Variants in ATP2A1 observed in about 807,000 individuals in gnomAD.
The protein encoded by ATP2A1 is sarcoplasmic/endoplasmic reticulum calcium ATPase 1.
A neutral mutation model predicts 109.5 loss-of-function variants in ATP2A1; 83 were observed. That is an observed-to-expected ratio of 0.76 (90% confidence interval 0.63 to 0.91). The LOEUF is 0.91. Among genes scored for constraint, ATP2A1 ranks in the 40% least tolerant of loss-of-function variants. ATP2A1 has a pLI of 0.00. For missense variants in ATP2A1, 1,101 were observed against 1,341.0 expected (o/e 0.82, Z 2.80); for synonymous variants, 505 against 537.6 (o/e 0.94, Z 0.84).
At chr16:28,878,905 TTG>T in intron 1 of ATP2A1, 116 bp downstream of exon 1, 2 of 1,356,112 alleles carry the variant, frequency 1.5e-6, no homozygotes, top group South Asian at 2.3e-5. Context: ...AGCTGGGCCG[TTG>T]TCCAATGCTC....
In ATP2A1 at chr16:28,900,809, G is replaced by A; in HGVS notation, c.1993G>A (p.Glu665Lys). The change falls in exon 15 of 23, where the codon GAA becomes AAA. Residue 665 changes from glutamate (E) to lysine (K), a missense_variant. Transcript: ENST00000395503. ...GREFDDLPLA[E>K]QREACRRACC... ...AGAGTTCGACGACCTGCCCCTGGCTGAACAGCGGGAAGCCTGCCGACGTGC... is the reference window on the plus strand; with the variant it reads ...AGAGTTCGACGACCTGCCCCTGGCTAAACAGCGGGAAGCCTGCCGACGTGC... The A allele has an allele frequency of 6.2e-7, 1 of 1,614,234 alleles. No individual in the cohort carries two copies. The highest frequency in any genetic ancestry group is 8.5e-7 in the Non-Finnish European group (1 of 1,180,048).
In ATP2A1 at chr16:28,903,889, G is replaced by C. The variant is rs1394533806; in HGVS notation, c.*37+148G>C. ...TGCTGCTGCTGCGCTTCCAGTCAGGGTGGGCCGCTGGCCTCCCACTGGGCG... is the reference window on the plus strand; with the variant it reads ...TGCTGCTGCTGCGCTTCCAGTCAGGCTGGGCCGCTGGCCTCCCACTGGGCG... On this transcript the variant is annotated intron_variant, in intron 22 of 22. Transcript: ENST00000395503. The surrounding 1 kb of genome is among the most constrained non-coding windows in gnomAD (Gnocchi z 5.6). 1.1e-6 allele frequency: 1 copy of C among 871,844 alleles called. No homozygotes were observed. Among genetic ancestry groups the C allele is most frequent in the Non-Finnish European group, 1.9e-6 (1 of 529,964 alleles). The allele number at this position is 871,844 out of a possible 1,614,324, so 54.0% of individuals were successfully genotyped here.
intron 14 of ATP2A1, among the ~76,000 whole-genome samples, chr16:28,899,005 C>T (rs980066657): frequency 2.0e-5 from 3 of 151,990 alleles, no homozygotes; most frequent in Non-Finnish European, 2.9e-5. Context: ...CAAAAACACA[C>T]ACACACACAC....
At position 28,883,579 on chromosome 16, in the gene ATP2A1, C is replaced by T. The variant is rs573792626; in HGVS notation, c.463+990C>T. On this transcript the variant is annotated intron_variant, in intron 5 of 22. Transcript: ENST00000395503. The surrounding 1 kb of genome is among the most constrained non-coding windows in gnomAD (Gnocchi z 5.2). ...CCCAGTACCATCCGTGGGACCAGTG[C>T]GGAATTAGGCAGCGGCCCTGGGAGA... Among the ~76,000 whole-genome samples the T allele has an allele frequency of 1.3e-5, 2 of 152,270 alleles. No individual in the cohort carries two copies. The highest frequency in any genetic ancestry group is 6.5e-5 in the Admixed American group (1 of 15,302).
At chr16:28,889,243 T>A (rs982622189) in intron 9 of ATP2A1, among the ~76,000 whole-genome samples, 1 of 152,056 alleles carries the variant, frequency 6.6e-6, no homozygotes, top group African/African-American at 2.4e-5. Context: ...ATTATCTTCA[T>A]TTTTTTAATT....
chr16:28,882,489 G>C lies in ATP2A1; in HGVS notation c.363G>C (p.Glu121Asp), dbSNP rs774727588. 1.9e-6 allele frequency: 3 copies of C among 1,614,202 alleles called. No individual in the cohort carries two copies. Among genetic ancestry groups the C allele is most frequent in the South Asian group, 2.2e-5 (2 of 91,088 alleles). The part of the protein sequence containing the change: ...NAENAIEALK[E>D]YEPEMGKVYR... ...AGAACGCCATCGAGGCCCTGAAGGA[G>C]TATGAGCCAGAGATGGGGAAGGTCT... Residue 121 changes from glutamate (E) to aspartate (D), a missense_variant, in exon 5 of 23, where the codon GAG becomes GAC. Glu to Asp is a conservative substitution (Grantham distance 45). Coordinates refer to ENST00000395503, the MANE Select transcript of ATP2A1 (RefSeq NM_004320.6).
chr16:28,902,643 C>G lies in ATP2A1; in HGVS notation c.2588C>G (p.Pro863Arg), dbSNP rs1057518274. 1 of 1,613,958 alleles carries G rather than the reference C, an allele frequency of 6.2e-7. No individual in the cohort carries two copies. The highest frequency in any genetic ancestry group is 8.5e-7 in the Non-Finnish European group (1 of 1,179,982). Residue 863 changes from proline to arginine, a missense_variant, in exon 18 of 23, where the codon CCT (proline) becomes CGT (arginine). Pro to Arg is a moderately radical substitution (Grantham distance 103). Transcript: ENST00000395503. The surrounding 1 kb of genome is among the most constrained non-coding windows in gnomAD (Gnocchi z 4.8). ...TGGTTCCTGTACGCTGAGGATGGGC[C>G]TCATGTCAACTACAGCCAGCTGGTA... The part of the protein sequence containing the change: ...AWWFLYAEDG[P>R]HVNYSQLTHF...
In ATP2A1 at chr16:28,880,223, A is replaced by T; in HGVS notation, c.219+640A>T. 5 of 748,624 alleles carry T rather than the reference A, an allele frequency of 6.7e-6. No individual in the cohort carries two copies. Among genetic ancestry groups the T allele is most frequent in the Non-Finnish European group, 6.5e-6 (4 of 610,834 alleles). The allele number at this position is 748,624 out of a possible 1,614,324, so 46.4% of individuals were successfully genotyped here. ...TGCCTCCTCTCCCGCCCTGGGGGCT[A>T]CTCCCCATCCCGCGGTCCATCTGCA... On this transcript the variant is annotated intron_variant, in intron 3 of 22. Coordinates refer to ENST00000395503, the MANE Select transcript of ATP2A1 (RefSeq NM_004320.6). This position sits in a 1 kb window ranked among gnomAD's most constrained non-coding sequence, Gnocchi z 4.2.
rs8055138 is a variant in ATP2A1, at chr16:28,880,144, C to T, written c.219+561C>T. On this transcript the variant is annotated intron_variant, in intron 3 of 22. Transcript: ENST00000395503. The surrounding 1 kb of genome is among the most constrained non-coding windows in gnomAD (Gnocchi z 4.2). ...CATTACCCGCCCAGCCTGGCCTTAG[C>T]CCTTCCCCGCGCTCCCTAGGCACCC... 380,108 of 994,692 alleles carry T rather than the reference C, an allele frequency of 0.38. 74,422 individuals carry two copies. Among genetic ancestry groups the T allele is most frequent in the Admixed American group, 0.41 (6,926 of 16,912 alleles). The allele number at this position is 994,692 out of a possible 1,614,324, so 61.6% of individuals were successfully genotyped here. A position where few individuals can be genotyped will look rare whatever the true frequency, so the allele number is the denominator to read the frequency against.
intron 9 of ATP2A1, chr16:28,892,322 C>T (rs1205358603): frequency 5.3e-6 from 2 of 380,580 alleles, no homozygotes; most frequent in Non-Finnish European, 1.1e-5. Context: ...CAGGGTCTTC[C>T]ACTGACCTCA....
At position 28,880,083 on chromosome 16, in the gene ATP2A1, G is replaced by A; in HGVS notation, c.219+500G>A. 1 of 997,796 alleles carries A rather than the reference G, an allele frequency of 1.0e-6. No individual in the cohort carries two copies. The highest frequency in any genetic ancestry group is 1.2e-6 in the Non-Finnish European group (1 of 839,732). 61.8% of individuals were successfully genotyped at this position (997,796 alleles called of 1,614,324 possible). On this transcript the variant is annotated intron_variant, in intron 3 of 22. Coordinates refer to ENST00000395503, the MANE Select transcript of ATP2A1 (RefSeq NM_004320.6). This position sits in a 1 kb window ranked among gnomAD's most constrained non-coding sequence, Gnocchi z 4.2. ...GGCGGTGTGATGATGACTCCAAGGA[G>A]CCCGGCGCCCGGTCAGGGAGGGCAC...
At chr16:28,896,078 A>G (rs1210669056) in intron 12 of ATP2A1, among the ~76,000 whole-genome samples, 1 of 152,152 alleles carries the variant, frequency 6.6e-6, no homozygotes, top group East Asian at 1.9e-4. Context: ...CTCCTGCCTC[A>G]GCCTTCCAAG....
chr16:28,884,626 C>T lies in ATP2A1; in HGVS notation c.515C>T (p.Thr172Met), dbSNP rs779457144. The T allele has an allele frequency of 8.1e-6, 13 of 1,613,750 alleles. No individual in the cohort carries two copies. The highest frequency in any genetic ancestry group is 6.7e-5 in the East Asian group (3 of 44,874). Residue 172 changes from threonine (T) to methionine (M), a missense_variant, in exon 6 of 23, where the codon ACG becomes ATG. Coordinates refer to ENST00000395503, the MANE Select transcript of ATP2A1 (RefSeq NM_004320.6). Reference sequence around the variant, plus strand: ...CGAATCCTCGCCATCAAATCCACCACGCTGCGGGTTGACCAGTCCATCCTG... The same window carrying T: ...CGAATCCTCGCCATCAAATCCACCATGCTGCGGGTTGACCAGTCCATCCTG... ...DIRILAIKST[T>M]LRVDQSILTG...
chr16:28,898,458 A>G lies in ATP2A1; in HGVS notation c.1764+7A>G, dbSNP rs949573285. The G allele has an allele frequency of 6.3e-7, 1 of 1,594,152 alleles. No homozygotes were observed. Among genetic ancestry groups the G allele is most frequent in the African/African-American group, 1.6e-5 (1 of 60,622 alleles). On this transcript the variant is annotated splice_region_variant and intron_variant, in intron 14 of 22. Transcript: ENST00000395503. This position sits in a 1 kb window ranked among gnomAD's most constrained non-coding sequence, Gnocchi z 4.0. ...CAGGTTCCTGGAGTATGAGGTAAGC[A>G]GCTGGGAGCCTCCCACTGTCGTGGA...
At chr16:28,891,927 A>C (rs1179064954) in intron 9 of ATP2A1, among the ~76,000 whole-genome samples, 1 of 152,120 alleles carries the variant, frequency 6.6e-6, no homozygotes, top group Non-Finnish European at 1.5e-5. Flanking sequence ...AAAAAAATAC[A>C]TAGGAAAGAT....
chr16:28,882,574 A>G lies in ATP2A1; in HGVS notation c.448A>G (p.Ile150Val), dbSNP rs1278316076. The change falls in exon 5 of 23, where the codon ATC (isoleucine) becomes GTC (valine). Residue 150 changes from isoleucine to valine, a missense_variant. Transcript: ENST00000395503. The part of the protein sequence containing the change: ...IKARDIVPGD[I>V]VEVAVGDKVP... ...GGCTCGGGACATCGTCCCTGGGGAC[A>G]TCGTGGAGGTGGCTGGTGAGTGACA... 3.7e-6 allele frequency: 6 copies of G among 1,614,086 alleles called. No homozygotes were observed. Among genetic ancestry groups the G allele is most frequent in the Non-Finnish European group, 3.4e-6 (4 of 1,180,016 alleles).
At chr16:28,890,802 C>T (rs1963749557) in intron 9 of ATP2A1, among the ~76,000 whole-genome samples, 1 of 152,010 alleles carries the variant, frequency 6.6e-6, no homozygotes, top group South Asian at 2.1e-4. Flanking sequence ...TCTCCTTCCT[C>T]AGCCTCCTGA....
chr16:28,888,090 C>T (rs7501203), intron 8 of ATP2A1, among the ~76,000 whole-genome samples: 53,981 of 151,676 alleles, frequency 0.36, 9,970 homozygotes, highest in African/African-American at 0.44. Context: ...CGTGAGCCAC[C>T]GCACCCGGCC....
Position 28,894,236 on chromosome 16 carries a change from G to A in ATP2A1, c.1177G>A (p.Gly393Arg). Residue 393 changes from glycine to arginine, a missense_variant, in exon 10 of 23, where the codon GGA (glycine) becomes AGA (arginine). Physicochemically the swap from Gly to Arg is moderately radical, Grantham distance 125. Transcript: ENST00000395503. ...SITGSTYAPEGEVLKNDKPVR... is the reference protein window; with the variant it reads ...SITGSTYAPEREVLKNDKPVR... ...CACCGGCTCCACTTACGCTCCAGAG[G>A]GAGAGGTGTAAGTCACCCAGGCATC... 6.2e-7 allele frequency: 1 copy of A among 1,613,772 alleles called. No homozygotes were observed. The highest frequency in any genetic ancestry group is 8.5e-7 in the Non-Finnish European group (1 of 1,179,866).
Sources: gnomAD v4.1 joint callset for allele counts (sites outside exome capture counted in the v4.1 genomes callset) on GRCh38, gnomAD v4.1.1 for gene constraint, Gnocchi (gnomAD v3.1) non-coding constraint, MANE v1.5 for transcripts, NCBI Gene and HGNC (gene_info 2026-07-23, HGNC 2026-07-21) for gene names.